The following NF2 variants were observed in gnomAD, a reference collection of about 807,000 sequenced individuals.
NF2 encodes NF2, moesin-ezrin-radixin like (MERLIN) tumor suppressor, also known as merlin.
NF2 carries 8 observed loss-of-function variants against 83.7 expected under a neutral mutation model. The ratio of observed to expected loss-of-function variants is 0.10; its 90% CI spans 0.06 to 0.17. The LOEUF is 0.17. Ranked by LOEUF, NF2 falls within the 10% of genes least tolerant of loss-of-function variation. The pLI is 1.00. For missense variants in NF2, 533 were observed against 744.4 expected (o/e 0.72, Z 3.31); for synonymous variants, 266 against 269.6 (o/e 0.99, Z 0.13).
rs1417611081 is a variant in NF2 at position 29,648,955 on chromosome 22, A to G, written c.448-5702A>G. Among the ~76,000 whole-genome samples the G allele has an allele frequency of 3.3e-5, 5 of 152,292 alleles. No individual in the cohort carries two copies. In the East Asian group the frequency reaches 7.7e-4, roughly 23 times the overall value. ...AAAGGAGGGACTGGATTATTTAAAT[A>G]TATCTTTATTGGTAGATATTTAGGT... On this transcript the variant is annotated intron_variant, in intron 4 of 15. Transcript: ENST00000338641.
At chr22:29,666,286 G>GT in intron 9 of NF2, among the ~76,000 whole-genome samples, 1 of 151,854 alleles carries the variant, frequency 6.6e-6, no homozygotes, top group Non-Finnish European at 1.5e-5. Flanking sequence ...GATTACAGGC[G>GT]GCCACTACCA....
At chr22:29,642,442 C>G (rs951589254) in intron 4 of NF2, among the ~76,000 whole-genome samples, 157 bp downstream of exon 4, 6 of 152,026 alleles carry the variant, frequency 3.9e-5, no homozygotes, top group Non-Finnish European at 8.8e-5. Flanking sequence ...ACCACTGTCA[C>G]TGTTCCAGTG....
chr22:29,604,226 A>G lies in NF2; in HGVS notation c.114+114A>G, dbSNP rs942269573. 33 of 835,332 alleles carry G rather than the reference A, an allele frequency of 4.0e-5. 1 individual carries two copies. In the South Asian group the frequency reaches 4.5e-4, roughly 11 times the overall value. The allele number at this position is 835,332 out of a possible 1,614,324, so 51.7% of individuals were successfully genotyped here. Reference sequence around the variant, plus strand: ...GAGACGGGCAGAACCGGAAGGGCCAACTAGGCCCAAAACCTCATGTTAAAG... The same window carrying G: ...GAGACGGGCAGAACCGGAAGGGCCAGCTAGGCCCAAAACCTCATGTTAAAG... On this transcript the variant is annotated intron_variant, in intron 1 of 15. Coordinates refer to ENST00000338641, the MANE Select transcript of NF2 (RefSeq NM_000268.4).
intron 15 of NF2, among the ~76,000 whole-genome samples, chr22:29,693,798 G>A (rs1323533640): frequency 6.6e-6 from 1 of 152,126 alleles, no homozygotes; most frequent in East Asian, 1.9e-4. Flanking sequence ...CCAGATATTT[G>A]GGGGATATGA....
chr22:29,683,085 C>T (rs1236949176), intron 15 of NF2: 1 of 1,614,086 alleles, frequency 6.2e-7, no homozygotes, highest in African/African-American at 1.3e-5. Context: ...CCCAGGTACT[C>T]TCTATGTGGT....
At chr22:29,643,930 A>ACCC (rs2065891334) in intron 4 of NF2, among the ~76,000 whole-genome samples, 3 of 102,150 alleles carry the variant, frequency 2.9e-5, no homozygotes, top group Non-Finnish European at 2.1e-5. Context: ...CTGACCCCCC[A>ACCC]ACCTCCCTCC....
chr22:29,624,570 G>A (rs117468267), intron 1 of NF2, among the ~76,000 whole-genome samples: 6 of 152,188 alleles, frequency 3.9e-5, no homozygotes, highest in African/African-American at 9.7e-5. Flanking sequence ...GGCCTGACCC[G>A]TAGTGAGCAT....
chr22:29,671,858 G>A lies in NF2; in HGVS notation c.1032G>A (p.Gln344=), dbSNP rs1431506727. Residue 344 remains glutamine, a synonymous_variant, in exon 11 of 16, where the codon CAG becomes CAA. Transcript: ENST00000338641. The part of the protein sequence containing the change: ...MERQRLAREK[Q]MREEAERTRD... The stretch of plus-strand genomic sequence containing the variant: ...GGCAGCGCCTCGCTCGAGAGAAGCA[G>A]ATGAGGGAGGAGGCTGAACGCACGA... 6.2e-7 allele frequency: 1 copy of A among 1,614,048 alleles called. No homozygotes were observed. The highest frequency in any genetic ancestry group is 1.3e-5 in the African/African-American group (1 of 74,924).
Position 29,610,065 on chromosome 22 carries a change from C to G in NF2, c.114+5953C>G, listed in dbSNP as rs545434605. Among the ~76,000 whole-genome samples the G allele has an allele frequency of 2.6e-5, 4 of 152,054 alleles. No individual in the cohort carries two copies. In the East Asian group the frequency reaches 7.7e-4, roughly 29 times the overall value. On this transcript the variant is annotated intron_variant, in intron 1 of 15. Coordinates refer to ENST00000338641, the MANE Select transcript of NF2 (RefSeq NM_000268.4). ...AGAGAGAGAGAGAGAGACCTGGGCA[C>G]AGTGGCTGTTGCCTGTAATCTCAGC... is the stretch of plus-strand genomic sequence containing the variant.
At chr22:29,665,609 A>G (rs2066598372) in intron 9 of NF2, among the ~76,000 whole-genome samples, 4 of 152,182 alleles carry the variant, frequency 2.6e-5, no homozygotes, top group Admixed American at 2.6e-4. Context: ...TAAGTGTAAC[A>G]TATGAATTAT....
intron 1 of NF2, among the ~76,000 whole-genome samples, chr22:29,624,853 CTTTCTT>C (rs2065314953): frequency 1.4e-5 from 2 of 138,932 alleles, no homozygotes; most frequent in Non-Finnish European, 3.2e-5. Context: ...TTCTTTCTTT[CTTTCTT>C]TCTTTCTTTC....
intron 2 of NF2, among the ~76,000 whole-genome samples, chr22:29,637,844 G>A (rs1465544383): frequency 6.6e-6 from 1 of 152,152 alleles, no homozygotes; most frequent in Non-Finnish European, 1.5e-5. Flanking sequence ...TGCCACTGGG[G>A]GCCACTGTCA....
In NF2 at chr22:29,672,077, A is replaced by T. The variant is rs2527336; in HGVS notation, c.1122+129A>T. ...AAATACTTAATTTCAGCTTTGAAAA[A>T]ATCAGTGCCTTTTCTTTTCACCTGT... On this transcript the variant is annotated intron_variant, in intron 11 of 15. Coordinates refer to ENST00000338641, the MANE Select transcript of NF2 (RefSeq NM_000268.4). 173,052 of 1,389,262 alleles carry T rather than the reference A, an allele frequency of 0.12. 12,569 individuals are homozygous for T. The highest frequency in any genetic ancestry group is 0.15 in the Non-Finnish European group (150,492 of 1,000,230). The allele number at this position is 1,389,262 out of a possible 1,614,324, so 86.1% of individuals were successfully genotyped here. A position where few individuals can be genotyped will look rare whatever the true frequency, so the allele number is the denominator to read the frequency against.
intron 1 of NF2, among the ~76,000 whole-genome samples, chr22:29,624,825 CT>C (rs1491589367): frequency 7.1e-6 from 1 of 140,344 alleles, no homozygotes; most frequent in Non-Finnish European, 1.6e-5. Context: ...TTCTTTCTTT[CT>C]TTCTTTCTTT....
intron 13 of NF2, among the ~76,000 whole-genome samples, chr22:29,676,629 T>C (rs1052658013): frequency 1.3e-5 from 2 of 152,318 alleles, no homozygotes; most frequent in South Asian, 4.1e-4. Context: ...ATTTAACCAG[T>C]CCCTCATGGA....
intron 6 of NF2, among the ~76,000 whole-genome samples, chr22:29,656,800 G>C (rs1038633441): frequency 6.6e-6 from 1 of 151,952 alleles, no homozygotes; most frequent in African/African-American, 2.4e-5. Flanking sequence ...CTCCAAAAAG[G>C]CTGTACCTGT....
intron 1 of NF2, among the ~76,000 whole-genome samples, chr22:29,633,664 C>T (rs1349196211): frequency 2.6e-5 from 4 of 152,214 alleles, no homozygotes; most frequent in Non-Finnish European, 4.4e-5. Context: ...CCAAATGGAG[C>T]CCCATTCCCG....
At chr22:29,612,529 A>G (rs891390342) in intron 1 of NF2, among the ~76,000 whole-genome samples, 3 of 151,448 alleles carry the variant, frequency 2.0e-5, no homozygotes, top group African/African-American at 7.3e-5. Flanking sequence ...TTGTAGAGAC[A>G]GAGTCTCCCT....
intron 12 of NF2, among the ~76,000 whole-genome samples, chr22:29,674,101 T>A (rs1425082625): frequency 6.6e-6 from 1 of 152,240 alleles, no homozygotes; most frequent in Non-Finnish European, 1.5e-5. Flanking sequence ...TTTGGCTCTG[T>A]TGATTTAGAG....
Sources: gnomAD v4.1 joint callset for allele counts (sites outside exome capture counted in the v4.1 genomes callset) on GRCh38, gnomAD v4.1.1 for gene constraint, MANE v1.5 for transcripts, NCBI Gene and HGNC (gene_info 2026-07-23, HGNC 2026-07-21) for gene names.